The following TSPEAR variants were observed in gnomAD, a reference collection of about 807,000 sequenced individuals.
The protein encoded by TSPEAR is thrombospondin-type laminin G domain and EAR repeat-containing protein.
In TSPEAR, 69 loss-of-function variants were observed where a neutral mutation model predicts 71.6. That is an observed-to-expected ratio of 0.96 (90% CI 0.79 to 1.18). The LOEUF (loss-of-function observed/expected upper bound fraction) is 1.18, where lower values mean the gene tolerates loss of function less well. TSPEAR is among the 50% of genes most tolerant of loss of function. The pLI is 0.00. For missense variants in TSPEAR, 971 were observed against 894.9 expected (o/e 1.09, Z -1.09); for synonymous variants, 402 against 387.2 (o/e 1.04, Z -0.45).
At chr21:44,500,226 C>A (rs891101296) in intron 11 of TSPEAR, among the ~76,000 whole-genome samples, 1 of 152,356 alleles carries the variant, frequency 6.6e-6, no homozygotes, top group African/African-American at 2.4e-5. Flanking sequence ...CCCAAACGTG[C>A]AGTTCCGAGG....
chr21:44,637,241 G>A (rs180782162), intron 1 of TSPEAR: 1 of 830,328 alleles, frequency 1.2e-6, no homozygotes, highest in East Asian at 2.5e-5. Flanking sequence ...AAATAATGAG[G>A]GTCCTCCCGG....
intron 1 of TSPEAR, among the ~76,000 whole-genome samples, chr21:44,611,475 G>A (rs1555930915): frequency 6.6e-6 from 1 of 151,958 alleles, no homozygotes; most frequent in Non-Finnish European, 1.5e-5. Context: ...CCAGCCATGT[G>A]GAACTGTAAG....
chr21:44,702,349 T>C, intron 1 of TSPEAR: 9 of 1,445,018 alleles, frequency 6.2e-6, no homozygotes, highest in Admixed American at 2.0e-5. Context: ...CCCAGTGAGC[T>C]GTGTGTCCAG....
intron 2 of TSPEAR, among the ~76,000 whole-genome samples, chr21:44,560,165 G>C (rs56041290): frequency 2.6e-5 from 4 of 151,864 alleles, no homozygotes; most frequent in African/African-American, 9.7e-5. Context: ...GGAAAGCAAC[G>C]TAAGCAGGGG....
intron 1 of TSPEAR, among the ~76,000 whole-genome samples, chr21:44,583,902 G>T (rs1979170809): frequency 1.3e-5 from 2 of 152,144 alleles, no homozygotes; most frequent in African/African-American, 2.4e-5. Flanking sequence ...AAATTTCAGT[G>T]TTACTGCGTC....
chr21:44,597,198 A>G (rs1465590534), intron 1 of TSPEAR, among the ~76,000 whole-genome samples: 1 of 151,972 alleles, frequency 6.6e-6, no homozygotes, highest in African/African-American at 2.4e-5. Context: ...TAATTTTTTA[A>G]TTTTATATTT....
In TSPEAR at chr21:44,710,323, C is replaced by T. The variant is rs1555953342; in HGVS notation, c.82+1110G>A. Among the ~76,000 whole-genome samples, 2 of 152,136 alleles carry T rather than the reference C, an allele frequency of 1.3e-5. No homozygotes were observed. The highest frequency in any genetic ancestry group is 2.9e-5 in the Non-Finnish European group (2 of 68,024). On this transcript the variant is annotated intron_variant, in intron 1 of 11. Coordinates refer to ENST00000323084, the MANE Select transcript of TSPEAR (RefSeq NM_144991.3). The surrounding 1 kb of genome is among the most constrained non-coding windows in gnomAD (Gnocchi z 4.6). ...AACACCCAGGCAGTAATGGTTCCAG[C>T]ACGGAAGGTCTACCTACCTCCCACT...
chr21:44,582,947 C>T (rs1371041659), intron 1 of TSPEAR, among the ~76,000 whole-genome samples: 2 of 152,288 alleles, frequency 1.3e-5, no homozygotes, highest in Non-Finnish European at 2.9e-5. Flanking sequence ...CTCAGCCTCC[C>T]GAGTAGCTGG....
At chr21:44,674,731 AGTGTGTGTGTGTGTGTGTGTGTGT>A (rs59452363) in intron 1 of TSPEAR, among the ~76,000 whole-genome samples, 36 of 127,150 alleles carry the variant, frequency 2.8e-4, no homozygotes, top group South Asian at 1.5e-3. Context: ...CTGTCTTTAA[AGTGTGTGTGTGTGTGTGTGTGTGT>A]GTGTGTGTGT....
chr21:44,583,042 A>G (rs1275300407), intron 1 of TSPEAR, among the ~76,000 whole-genome samples: 2 of 151,792 alleles, frequency 1.3e-5, no homozygotes, highest in Admixed American at 1.3e-4. Flanking sequence ...GGGTTTGGAC[A>G]TTTTGGCCAG....
At chr21:44,530,401 A>C (rs2052944775) in intron 4 of TSPEAR, among the ~76,000 whole-genome samples, 1 of 150,978 alleles carries the variant, frequency 6.6e-6, no homozygotes, top group Non-Finnish European at 1.5e-5. Flanking sequence ...CCATCCCTCC[A>C]TCCACCCATC....
intron 6 of TSPEAR, 34 bp downstream of exon 6, chr21:44,528,418 G>A: frequency 6.2e-7 from 1 of 1,612,396 alleles, no homozygotes; most frequent in South Asian, 1.1e-5. Context: ...GAGTGGCCCT[G>A]CATGCCAACG....
chr21:44,620,283 C>T (rs950017128), intron 1 of TSPEAR, among the ~76,000 whole-genome samples: 7 of 152,170 alleles, frequency 4.6e-5, no homozygotes, highest in Non-Finnish European at 8.8e-5. Context: ...CCTGAGAGCT[C>T]GTTGCTGAAA....
intron 1 of TSPEAR, among the ~76,000 whole-genome samples, chr21:44,635,033 A>C (rs1555936377): frequency 6.6e-6 from 1 of 152,178 alleles, no homozygotes; most frequent in African/African-American, 2.4e-5. Flanking sequence ...AGAGGTGTTC[A>C]AACAGAAACA....
At chr21:44,579,535 A>C in intron 1 of TSPEAR, 1 of 607,770 alleles carries the variant, frequency 1.6e-6, no homozygotes, top group African/African-American at 1.9e-5. Context: ...CATGGGGCAG[A>C]GAAGCTGGGA....
intron 1 of TSPEAR, chr21:44,574,777 G>T (rs1555923567): frequency 6.2e-7 from 1 of 1,614,008 alleles, no homozygotes; most frequent in Non-Finnish European, 8.5e-7. Flanking sequence ...TCTTCATGCT[G>T]CCAGCAATCT....
intron 1 of TSPEAR, chr21:44,677,993 G>A (rs1260896633): frequency 2.1e-5 from 22 of 1,036,044 alleles, no homozygotes; most frequent in Admixed American, 5.4e-5. Flanking sequence ...GTAGAGTATC[G>A]GCGGCATGGT....
rs781876751 is a variant in TSPEAR, at chr21:44,666,856, G to A, written c.82+44577C>T. On this transcript the variant is annotated intron_variant, in intron 1 of 11. Transcript: ENST00000323084. ...GGGCTGGGCGCGCAGCAGGCTGGCT[G>A]GCAGCCCGAGGAGCAGCTGGTATGA... is the stretch of plus-strand genomic sequence containing the variant. The A allele has an allele frequency of 6.2e-6, 10 of 1,613,744 alleles. No individual in the cohort carries two copies. The Admixed American group carries it at 1.5e-4, about 24-fold the overall frequency.
intron 1 of TSPEAR, among the ~76,000 whole-genome samples, chr21:44,694,992 G>C (rs561155214): frequency 1.3e-5 from 2 of 152,258 alleles, no homozygotes; most frequent in South Asian, 2.1e-4. Flanking sequence ...CCCAAGGGGG[G>C]TCGTGCTTTG....
Sources: gnomAD v4.1 joint callset for allele counts (sites outside exome capture counted in the v4.1 genomes callset) on GRCh38, gnomAD v4.1.1 for gene constraint, Gnocchi (gnomAD v3.1) non-coding constraint, MANE v1.5 for transcripts, NCBI Gene and HGNC (gene_info 2026-07-23, HGNC 2026-07-21) for gene names.